FNDC3A: variants seen among roughly 807,000 people sequenced by gnomAD.
FNDC3A encodes the protein fibronectin type-III domain-containing protein 3A.
FNDC3A carries 32 observed loss-of-function variants against 148.9 expected under a neutral mutation model. That is an observed-to-expected ratio of 0.21 (90% CI 0.16 to 0.29). The LOEUF (loss-of-function observed/expected upper bound fraction) is 0.29, where lower values mean the gene tolerates loss of function less well. Ranked by LOEUF, FNDC3A falls within the 10% of genes least tolerant of loss-of-function variation. FNDC3A has a pLI of 1.00. For synonymous variants in FNDC3A, 472 were observed against 473.6 expected (o/e 1.00, Z 0.04); for missense variants, 1,191 against 1,452.8 (o/e 0.82, Z 2.93).
chr13:49,020,235 G>C (rs1160502258), intron 2 of FNDC3A, among the ~76,000 whole-genome samples: 1 of 152,034 alleles, frequency 6.6e-6, no homozygotes, highest in Non-Finnish European at 1.5e-5. Flanking sequence ...GGAAAATATT[G>C]TAATATCAGA....
chr13:49,166,417 G>T (rs145816839), intron 8 of FNDC3A, among the ~76,000 whole-genome samples: 12 of 152,204 alleles, frequency 7.9e-5, no homozygotes, highest in Non-Finnish European at 1.0e-4. Flanking sequence ...ATGTGGAGAT[G>T]TGGGGACTGT....
At chr13:49,160,830 C>G (rs974881054) in intron 8 of FNDC3A, among the ~76,000 whole-genome samples, 5 of 151,640 alleles carry the variant, frequency 3.3e-5, no homozygotes, top group African/African-American at 9.7e-5. Context: ...TCTTTGTTCT[C>G]ATTGGTTTCA....
chr13:49,022,444 A>G (rs780767111), intron 2 of FNDC3A, among the ~76,000 whole-genome samples: 1 of 152,222 alleles, frequency 6.6e-6, no homozygotes. Context: ...ACCAATAGCC[A>G]AAAATCTAAT....
intron 19 of FNDC3A, among the ~76,000 whole-genome samples, chr13:49,196,485 T>G (rs1886161005): frequency 6.6e-6 from 1 of 152,138 alleles, no homozygotes; most frequent in Non-Finnish European, 1.5e-5. Context: ...TAAGAAAGAT[T>G]CGTGAAGTAT....
intron 2 of FNDC3A, among the ~76,000 whole-genome samples, chr13:49,017,169 G>C (rs1278641541): frequency 3.3e-5 from 5 of 152,026 alleles, no homozygotes; most frequent in Admixed American, 3.3e-4. Context: ...CTGACTTTCT[G>C]TCTCGTTGAT....
intron 2 of FNDC3A, among the ~76,000 whole-genome samples, chr13:49,059,205 A>C (rs1382487754): frequency 6.6e-6 from 1 of 152,116 alleles, no homozygotes; most frequent in Admixed American, 6.5e-5. Context: ...CATCATATAC[A>C]AAAAAAATTA....
chr13:49,008,646 A>C (rs1245215346), intron 2 of FNDC3A, among the ~76,000 whole-genome samples: 1 of 152,136 alleles, frequency 6.6e-6, no homozygotes, highest in Non-Finnish European at 1.5e-5. Context: ...TAGTACAGTA[A>C]ACATTTCCTA....
intron 19 of FNDC3A, among the ~76,000 whole-genome samples, chr13:49,196,103 AAAG>A (rs1291307970): frequency 6.7e-5 from 10 of 148,524 alleles, no homozygotes; most frequent in South Asian, 4.4e-4. Flanking sequence ...AAAAAAAAAA[AAAG>A]AAGTTGAGCT....
intron 3 of FNDC3A, among the ~76,000 whole-genome samples, chr13:49,096,119 A>G (rs965971684): frequency 1.3e-5 from 2 of 152,140 alleles, no homozygotes; most frequent in African/African-American, 4.8e-5. Context: ...TATCTAGAGA[A>G]GTGTGACTTG....
At chr13:49,138,856 A>C in intron 7 of FNDC3A, 51 bp downstream of exon 7, 1 of 962,858 alleles carries the variant, frequency 1.0e-6, no homozygotes, top group Non-Finnish European at 1.6e-6. Flanking sequence ...TATTAGCATA[A>C]GATGTTCATC....
chr13:49,115,276 G>T (rs1044990616), intron 4 of FNDC3A, among the ~76,000 whole-genome samples: 7 of 151,884 alleles, frequency 4.6e-5, no homozygotes, highest in African/African-American at 1.7e-4. Context: ...CTTAAGTATA[G>T]TAATTTATGA....
chr13:49,084,995 A>T (rs1166951479), intron 3 of FNDC3A, among the ~76,000 whole-genome samples: 1 of 150,862 alleles, frequency 6.6e-6, no homozygotes, highest in African/African-American at 2.4e-5. Flanking sequence ...TTGCTTTTCT[A>T]CTCTCACCTC....
At chr13:49,054,722 C>T (rs1045777105) in intron 2 of FNDC3A, among the ~76,000 whole-genome samples, 56 of 152,216 alleles carry the variant, frequency 3.7e-4, no homozygotes, top group African/African-American at 1.1e-3. Flanking sequence ...CCCAGAGCGG[C>T]GTCCCCTCAT....
rs1351544971 is a variant in FNDC3A at position 49,150,565 on chromosome 13, GCA to G, written c.977+4633_977+4634del. On this transcript the variant is annotated intron_variant, in intron 8 of 25. Transcript: ENST00000492622. ...CATGTTGTTTAGTTTCCAGGTAGTT[GCA>G]CAGTTTCCAGAGTTCCTCTTGTTAT... 2.6e-5 allele frequency among the ~76,000 whole-genome samples: 4 copies of G among 151,978 alleles called. No individual in the cohort carries two copies. In the East Asian group the frequency reaches 5.8e-4, roughly 22 times the overall value.
chr13:49,014,634 T>C (rs1952449776), intron 2 of FNDC3A, among the ~76,000 whole-genome samples: 1 of 151,190 alleles, frequency 6.6e-6, no homozygotes, highest in Non-Finnish European at 1.5e-5. Flanking sequence ...TGGCTTTTGT[T>C]GCCATTGCTT....
At chr13:49,152,079 T>G (rs1883334647) in intron 8 of FNDC3A, among the ~76,000 whole-genome samples, 1 of 152,222 alleles carries the variant, frequency 6.6e-6, no homozygotes, top group South Asian at 2.1e-4. Flanking sequence ...AATAATCCTT[T>G]GTGTATATAC....
intron 1 of FNDC3A, among the ~76,000 whole-genome samples, chr13:49,005,689 A>G (rs1361005636): frequency 1.3e-5 from 2 of 151,924 alleles, no homozygotes; most frequent in Non-Finnish European, 2.9e-5. Context: ...TTTCTTGTGT[A>G]GTTCCTAGAG....
chr13:49,089,471 C>G (rs1173535288), intron 3 of FNDC3A, among the ~76,000 whole-genome samples: 1 of 152,184 alleles, frequency 6.6e-6, no homozygotes, highest in African/African-American at 2.4e-5. Context: ...CCTCACTAAT[C>G]AAGTGAGTCC....
At chr13:48,977,834 ATTGTC>A (rs1027475526) in intron 1 of FNDC3A, among the ~76,000 whole-genome samples, 1 of 151,956 alleles carries the variant, frequency 6.6e-6, no homozygotes, top group Non-Finnish European at 1.5e-5. Context: ...ATTTTACTAT[ATTGTC>A]TTGTTTCATT....
Sources: allele counts gnomAD v4.1 joint callset (sites outside exome capture counted in the v4.1 genomes callset), GRCh38; gene constraint gnomAD v4.1.1; transcripts MANE v1.5; gene names NCBI Gene and HGNC (gene_info 2026-07-23, HGNC 2026-07-21).